EIF3H: variants seen among roughly 807,000 people sequenced by gnomAD.
EIF3H encodes eukaryotic translation initiation factor 3 subunit H, also known as eIF-3-gamma.
In EIF3H, 26 loss-of-function variants were observed where a neutral mutation model predicts 44.2. The observed-to-expected ratio is 0.59, with a 90% CI of 0.43 to 0.82. EIF3H has a LOEUF of 0.82. Ranked by LOEUF, EIF3H falls within the 40% of genes least tolerant of loss-of-function variation. The pLI is 0.00. For synonymous variants in EIF3H, 166 were observed against 151.9 expected (o/e 1.09, Z -0.68); for missense variants, 359 against 432.8 (o/e 0.83, Z 1.51).
intron 1 of EIF3H, among the ~76,000 whole-genome samples, chr8:116,752,665 G>GAAGAAAGA (rs561596543): frequency 0.023 from 1,414 of 62,562 alleles, 38 homozygotes; most frequent in Admixed American, 0.03. Context: ...AGACAGAAAT[G>GAAGAAAGA]AAGAAAGAAA....
intron 2 of EIF3H, among the ~76,000 whole-genome samples, chr8:116,716,179 G>A (rs1459625859): frequency 6.6e-6 from 1 of 152,006 alleles, no homozygotes; most frequent in Non-Finnish European, 1.5e-5. Flanking sequence ...TAGTACTCAA[G>A]TGAGCAATTA....
intron 6 of EIF3H, among the ~76,000 whole-genome samples, chr8:116,647,598 T>C (rs545056070): frequency 7.2e-5 from 11 of 152,332 alleles, no homozygotes; most frequent in African/African-American, 2.6e-4. Flanking sequence ...CAGCTATGAC[T>C]GCTCCCAACA....
intron 2 of EIF3H, among the ~76,000 whole-genome samples, chr8:116,677,087 C>T (rs1813861394): frequency 6.6e-6 from 1 of 152,176 alleles, no homozygotes; most frequent in Non-Finnish European, 1.5e-5. Context: ...ATCTAAAACA[C>T]TGTAAAGACT....
At chr8:116,731,902 C>G (rs1275025980) in intron 1 of EIF3H, among the ~76,000 whole-genome samples, 1 of 152,196 alleles carries the variant, frequency 6.6e-6, no homozygotes, top group Non-Finnish European at 1.5e-5. Context: ...TCTACACCTT[C>G]TGAAACTTTG....
At chr8:116,711,868 GC>G (rs1814577098) in intron 2 of EIF3H, among the ~76,000 whole-genome samples, 1 of 152,120 alleles carries the variant, frequency 6.6e-6, no homozygotes, top group Non-Finnish European at 1.5e-5. Context: ...CAAATACACT[GC>G]TTAAAACCAC....
chr8:116,645,011 T>A lies in EIF3H; in HGVS notation c.1054A>T (p.Asn352Tyr). The stretch of plus-strand genomic sequence containing the variant: ...TTTCTGGAAACTTCCTTTTCTTAGT[T>A]GTTGTATTCTTGAAGAGCCTGGGCC... ...FMAQALQEYN[N>Y] The change falls in exon 8 of 8, where the codon AAC (asparagine) becomes TAC (tyrosine). Residue 352 changes from asparagine to tyrosine, a missense_variant. Coordinates refer to ENST00000521861, the MANE Select transcript of EIF3H (RefSeq NM_003756.3). 2 of 1,613,456 alleles carry A rather than the reference T, an allele frequency of 1.2e-6. No homozygotes were observed. The highest frequency in any genetic ancestry group is 2.2e-5 in the East Asian group (1 of 44,862).
chr8:116,694,793 A>G (rs1219641451), intron 2 of EIF3H, among the ~76,000 whole-genome samples: 3 of 152,242 alleles, frequency 2.0e-5, no homozygotes, highest in Admixed American at 6.5e-5. Flanking sequence ...ACACTAAATT[A>G]TCTTCAGGAG....
intron 1 of EIF3H, among the ~76,000 whole-genome samples, chr8:116,751,086 C>T (rs2130987861): frequency 6.6e-6 from 1 of 151,666 alleles, no homozygotes; most frequent in Admixed American, 6.5e-5. Context: ...GTGGCAGGCG[C>T]CTGTAGTCCC....
intron 1 of EIF3H, among the ~76,000 whole-genome samples, chr8:116,741,172 G>A (rs920676602): frequency 1.3e-5 from 2 of 151,584 alleles, no homozygotes; most frequent in Non-Finnish European, 2.9e-5. Flanking sequence ...TCCATCCAAG[G>A]AATATTTAGT....
intron 2 of EIF3H, among the ~76,000 whole-genome samples, chr8:116,659,848 T>G (rs961013491): frequency 5.3e-5 from 8 of 152,100 alleles, no homozygotes; most frequent in Admixed American, 1.3e-4. Flanking sequence ...GGAGAAAACT[T>G]TATAGTCAAC....
At chr8:116,652,886 G>A (rs183708410) in intron 5 of EIF3H, among the ~76,000 whole-genome samples, 252 of 152,250 alleles carry the variant, frequency 1.7e-3, no homozygotes, top group African/African-American at 5.9e-3. Context: ...TCAGGTTTCT[G>A]ATCCTTTCAT....
rs576986748 is a variant in EIF3H, at chr8:116,704,614, G to A, written c.289+21402C>T. On this transcript the variant is annotated intron_variant, in intron 2 of 7. Coordinates refer to ENST00000521861, the MANE Select transcript of EIF3H (RefSeq NM_003756.3). ...TTTTATTCCACATACAGAAGAGTAA[G>A]GTTAATCGACAAACAGGAAGATATC... is the stretch of plus-strand genomic sequence containing the variant. Among the ~76,000 whole-genome samples the A allele has an allele frequency of 1.2e-4, 18 of 152,262 alleles. 1 individual carries two copies. The highest frequency in any genetic ancestry group is 4.1e-4 in the African/African-American group (17 of 41,544).
intron 2 of EIF3H, among the ~76,000 whole-genome samples, chr8:116,667,601 C>A (rs1175694785): frequency 6.6e-6 from 1 of 152,154 alleles, no homozygotes; most frequent in Non-Finnish European, 1.5e-5. Flanking sequence ...AGAAAGAGAT[C>A]TATCAGAAGT....
chr8:116,671,747 A>G (rs555166558), intron 2 of EIF3H, among the ~76,000 whole-genome samples: 158 of 152,278 alleles, frequency 1.0e-3, no homozygotes, highest in Non-Finnish European at 1.8e-3. Context: ...CCTAAAGAAA[A>G]TATCTGGGTA....
intron 7 of EIF3H, 86 bp downstream of exon 7, chr8:116,646,385 T>C: frequency 6.3e-6 from 10 of 1,585,176 alleles, no homozygotes; most frequent in Non-Finnish European, 8.6e-6. Flanking sequence ...TTTTACGGCA[T>C]GCTTTTCTGT....
At chr8:116,710,682 T>G (rs1051507579) in intron 2 of EIF3H, among the ~76,000 whole-genome samples, 3 of 152,228 alleles carry the variant, frequency 2.0e-5, no homozygotes, top group African/African-American at 7.2e-5. Context: ...TCACTCACTG[T>G]GCTTCTGAAA....
intron 1 of EIF3H, among the ~76,000 whole-genome samples, chr8:116,745,813 G>A (rs1815223511): frequency 6.6e-6 from 1 of 151,990 alleles, no homozygotes; most frequent in Non-Finnish European, 1.5e-5. Context: ...CAGCTACTCG[G>A]GAGGCTGAGG....
At chr8:116,671,288 T>C (rs955555391) in intron 2 of EIF3H, among the ~76,000 whole-genome samples, 3 of 152,210 alleles carry the variant, frequency 2.0e-5, no homozygotes, top group African/African-American at 7.2e-5. Context: ...GCTAGCAGTG[T>C]ATCCCAAGGC....
intron 2 of EIF3H, among the ~76,000 whole-genome samples, chr8:116,697,976 C>T (rs1042931660): frequency 2.0e-5 from 3 of 152,212 alleles, no homozygotes; most frequent in Non-Finnish European, 2.9e-5. Context: ...AAAAGGCAGG[C>T]ACTGCCTTAA....
Sources: gnomAD v4.1 joint callset for allele counts (sites outside exome capture counted in the v4.1 genomes callset) on GRCh38, gnomAD v4.1.1 for gene constraint, MANE v1.5 for transcripts, NCBI Gene and HGNC (gene_info 2026-07-23, HGNC 2026-07-21) for gene names.